Variants in ROBO1 observed in about 807,000 individuals in gnomAD.
The protein encoded by ROBO1 is roundabout homolog 1.
Under a neutral mutation model 195.9 loss-of-function variants are expected in ROBO1, and 149 were observed. The observed-to-expected ratio is 0.76, with a 90% confidence interval of 0.67 to 0.87. The LOEUF is 0.87. Ranked by LOEUF, ROBO1 falls within the 40% of genes least tolerant of loss-of-function variation. The pLI is 0.00. For missense variants in ROBO1, 1,933 were observed against 2,068.3 expected (o/e 0.93, Z 1.27); for synonymous variants, 816 against 733.2 (o/e 1.11, Z -1.82).
At chr3:78,813,242 GCACA>G (rs10526078) in intron 4 of ROBO1, among the ~76,000 whole-genome samples, 6,517 of 150,406 alleles carry the variant, frequency 0.043, 402 homozygotes, top group African/African-American at 0.14. Flanking sequence ...AGTTTTACAT[GCACA>G]CACACACACA....
chr3:79,181,539 A>C (rs1173258188), intron 2 of ROBO1, among the ~76,000 whole-genome samples: 1 of 152,196 alleles, frequency 6.6e-6, no homozygotes, highest in Non-Finnish European at 1.5e-5. Context: ...GTTGACGTTC[A>C]TTTTAAACTC....
intron 10 of ROBO1, among the ~76,000 whole-genome samples, chr3:78,671,594 C>CTA (rs1292317574): frequency 2.0e-5 from 3 of 147,508 alleles, no homozygotes; most frequent in African/African-American, 7.5e-5. Context: ...TGCATGCAAA[C>CTA]TAAAAAAAAA....
chr3:79,413,508 C>A (rs1405088105), intron 2 of ROBO1, among the ~76,000 whole-genome samples: 3 of 152,040 alleles, frequency 2.0e-5, no homozygotes, highest in Non-Finnish European at 4.4e-5. Context: ...GTGGCAGCTG[C>A]CGGTAGACTT....
intron 5 of ROBO1, among the ~76,000 whole-genome samples, chr3:78,734,603 C>A (rs1320449408): frequency 7.3e-6 from 1 of 137,090 alleles, no homozygotes; most frequent in East Asian, 2.1e-4. Flanking sequence ...TTGGGAAATC[C>A]ATTTGGGGGA....
intron 2 of ROBO1, among the ~76,000 whole-genome samples, chr3:79,261,503 G>T (rs1377929658): frequency 1.3e-5 from 2 of 151,846 alleles, no homozygotes; most frequent in African/African-American, 4.8e-5. Flanking sequence ...TCAGCATAAT[G>T]ATTTTCAAAC....
At chr3:78,678,452 A>G (rs1434214828) in intron 10 of ROBO1, among the ~76,000 whole-genome samples, 2 of 152,248 alleles carry the variant, frequency 1.3e-5, no homozygotes, top group African/African-American at 4.8e-5. Context: ...AGGAAAAGAG[A>G]GAAGAATCAA....
rs73848571 is a variant in ROBO1, at chr3:78,792,195, C to T, written c.500-45295G>A. Among the ~76,000 whole-genome samples the T allele has an allele frequency of 7.0e-3, 1,068 of 152,222 alleles. 15 individuals carry two copies. Among genetic ancestry groups the T allele is most frequent in the African/African-American group, 0.024 (1,012 of 41,514 alleles). On this transcript the variant is annotated intron_variant, in intron 4 of 30. Transcript: ENST00000464233. ...CTATGCCCTACCATCTGGTGTGAAGCGTGGTACTAAAAGATGCTGATAGAA... is the reference window on the plus strand; with the variant it reads ...CTATGCCCTACCATCTGGTGTGAAGTGTGGTACTAAAAGATGCTGATAGAA...
At chr3:78,982,720 C>T (rs546963744) in intron 3 of ROBO1, among the ~76,000 whole-genome samples, 3 of 152,016 alleles carry the variant, frequency 2.0e-5, no homozygotes, top group Non-Finnish European at 4.4e-5. Flanking sequence ...CATCCACCCC[C>T]CAGGTTCAGG....
At chr3:78,885,786 C>G (rs920860228) in intron 4 of ROBO1, among the ~76,000 whole-genome samples, 1 of 151,186 alleles carries the variant, frequency 6.6e-6, no homozygotes, top group South Asian at 2.1e-4. Context: ...ATCAGCCTGA[C>G]TGTAAATCCT....
At chr3:79,618,020 G>A (rs1944882090) in intron 1 of ROBO1, among the ~76,000 whole-genome samples, 1 of 151,136 alleles carries the variant, frequency 6.6e-6, no homozygotes, top group South Asian at 2.1e-4. Context: ...ACAGAAGAAA[G>A]AATTTAAGAG....
At chr3:79,569,653 GTGTGTGTGTGTGTGTGTGTGTATATA>G (rs1391277404) in intron 2 of ROBO1, among the ~76,000 whole-genome samples, 1 of 140,570 alleles carries the variant, frequency 7.1e-6, no homozygotes, top group Non-Finnish European at 1.5e-5. Flanking sequence ...ATATGTGTGT[GTGTGTGTGTGTGTGTGTGTGTATATA>G]TGTGTGTGTG....
chr3:78,856,020 T>C (rs1162379659), intron 4 of ROBO1, among the ~76,000 whole-genome samples: 1 of 152,008 alleles, frequency 6.6e-6, no homozygotes, highest in African/African-American at 2.4e-5. Flanking sequence ...TCCAAGGGAA[T>C]ATTCAGAAAT....
intron 1 of ROBO1, among the ~76,000 whole-genome samples, chr3:79,754,110 T>G (rs999310869): frequency 6.6e-6 from 1 of 152,030 alleles, no homozygotes; most frequent in Non-Finnish European, 1.5e-5. Flanking sequence ...ATTGAAATAA[T>G]TATAAAAATA....
At chr3:79,688,552 T>C (rs1309712131) in intron 1 of ROBO1, among the ~76,000 whole-genome samples, 1 of 152,116 alleles carries the variant, frequency 6.6e-6, no homozygotes, top group East Asian at 1.9e-4. Context: ...CTTCCACCAT[T>C]CCCACTGACA....
intron 2 of ROBO1, among the ~76,000 whole-genome samples, chr3:79,162,284 T>C (rs1437799986): frequency 6.6e-6 from 1 of 151,968 alleles, no homozygotes. Context: ...GCTTAGAAGA[T>C]ATAGCATCCA....
chr3:79,724,487 G>A (rs962862407), intron 1 of ROBO1, among the ~76,000 whole-genome samples: 1 of 152,130 alleles, frequency 6.6e-6, no homozygotes, highest in African/African-American at 2.4e-5. Flanking sequence ...CCGAGGTTAC[G>A]AAACATGGAG....
chr3:79,223,012 T>C (rs2082168299), intron 2 of ROBO1, among the ~76,000 whole-genome samples: 1 of 152,196 alleles, frequency 6.6e-6, no homozygotes, highest in Non-Finnish European at 1.5e-5. Context: ...AGAGACATTT[T>C]ATGCAAATGG....
intron 5 of ROBO1, among the ~76,000 whole-genome samples, chr3:78,718,804 A>AAGGAAGGGAGGG (rs2081966246): frequency 1.3e-5 from 1 of 76,102 alleles, no homozygotes; most frequent in African/African-American, 4.5e-5. Context: ...GGAAGGAAGG[A>AAGGAAGGGAGGG]AGGGAGGGAG....
chr3:78,947,140 A>G (rs1018003077), intron 3 of ROBO1, among the ~76,000 whole-genome samples: 2 of 152,068 alleles, frequency 1.3e-5, no homozygotes, highest in African/African-American at 4.8e-5. Context: ...CAAGGATACC[A>G]AGGAACTGAA....
Sources: allele counts gnomAD v4.1 joint callset (sites outside exome capture counted in the v4.1 genomes callset), GRCh38; gene constraint gnomAD v4.1.1; transcripts MANE v1.5; gene names NCBI Gene and HGNC (gene_info 2026-07-23, HGNC 2026-07-21).